Variants in CSN1S1 observed in about 807,000 individuals in gnomAD.
CSN1S1 encodes casein alpha s1.
CSN1S1 carries 63 observed loss-of-function variants against 49.1 expected under a neutral mutation model. The observed-to-expected ratio is 1.28, with a 90% CI of 1.05 to 1.58. CSN1S1 has a LOEUF of 1.58. Among genes scored for constraint, CSN1S1 ranks in the 40% most tolerant of loss-of-function variants. The pLI, the probability that CSN1S1 is intolerant of heterozygous loss-of-function variation, is 0.00. For synonymous variants in CSN1S1, 78 were observed against 67.1 expected, an observed-to-expected ratio of 1.16 and a Z score of -0.79; for missense variants, 260 against 224.7, an observed-to-expected ratio of 1.16 and a Z score of -1.01.
At chr4:69,932,422 G>C in intron 1 of CSN1S1, 122 bp from the exon 2 acceptor site, 1 of 709,810 alleles carries the variant, frequency 1.4e-6, no homozygotes, top group Non-Finnish European at 2.4e-6. Context: ...TCACATTACA[G>C]CTCCTCAAAT....
chr4:69,942,985 T>A (rs1322909577), intron 14 of CSN1S1, among the ~76,000 whole-genome samples: 1 of 149,008 alleles, frequency 6.7e-6, no homozygotes, highest in Non-Finnish European at 1.5e-5. Flanking sequence ...CCATGGAACA[T>A]CCTCCACAAC....
At chr4:69,940,753 T>C (rs1384690087) in intron 11 of CSN1S1, among the ~76,000 whole-genome samples, 1 of 151,858 alleles carries the variant, frequency 6.6e-6, no homozygotes, top group African/African-American at 2.4e-5. Flanking sequence ...ATAATTCTGA[T>C]ATATTGTAAC....
Position 69,935,739 on chromosome 4 carries a change from C to A in CSN1S1, c.106-187C>A, listed in dbSNP as rs186887320. ...TTTCCGTGACGTATGTAGAGGTTTACAATTTCCTCACTCCTTATAATAGAA... is the reference window on the plus strand; with the variant it reads ...TTTCCGTGACGTATGTAGAGGTTTAAAATTTCCTCACTCCTTATAATAGAA... On this transcript the variant is annotated intron_variant, in intron 4 of 15. Transcript: ENST00000246891. Among the ~76,000 whole-genome samples, 20 of 152,208 alleles carry A rather than the reference C, an allele frequency of 1.3e-4. No homozygotes were observed. The East Asian group carries it at 3.9e-3, about 29-fold the overall frequency.
In CSN1S1 at chr4:69,932,725, C is replaced by T. The variant is rs1316505555; in HGVS notation, c.51+119C>T. ...AAGCACTGGATGATCTCTAATTGGC[C>T]TCTGAAGTCTTGACAATAGAAATGC... On this transcript the variant is annotated intron_variant, in intron 2 of 15. Coordinates refer to ENST00000246891, the MANE Select transcript of CSN1S1 (RefSeq NM_001890.2). 9 of 878,908 alleles carry T rather than the reference C, an allele frequency of 1.0e-5. 1 individual carries two copies. Among genetic ancestry groups the T allele is most frequent in the Middle Eastern group, 4.4e-4 (2 of 4,564 alleles). 54.4% of individuals were successfully genotyped at this position (878,908 alleles called of 1,614,324 possible). A position where few individuals can be genotyped will look rare whatever the true frequency, so the allele number is the denominator to read the frequency against.
intron 5 of CSN1S1, 145 bp from the exon 6 acceptor site, chr4:69,936,311 A>G: frequency 2.8e-6 from 2 of 709,840 alleles, no homozygotes; most frequent in Non-Finnish European, 4.8e-6. Flanking sequence ...GAAATGATAT[A>G]ATAAGGAATA....
At chr4:69,931,470 T>C (rs747120889) in intron 1 of CSN1S1, among the ~76,000 whole-genome samples, 1 of 151,962 alleles carries the variant, frequency 6.6e-6, no homozygotes, top group Non-Finnish European at 1.5e-5. Flanking sequence ...CTTATTTTTG[T>C]AATTACCATA....
At chr4:69,932,021 C>T (rs563465289) in intron 1 of CSN1S1, among the ~76,000 whole-genome samples, 77 of 151,788 alleles carry the variant, frequency 5.1e-4, no homozygotes, top group African/African-American at 1.7e-3. Context: ...TTTTACATAA[C>T]GTGCAGACAG....
In CSN1S1 at chr4:69,946,259, T is replaced by A; in HGVS notation, c.*63T>A. 1 of 463,356 alleles carries A rather than the reference T, an allele frequency of 2.2e-6. No individual in the cohort carries two copies. The highest frequency in any genetic ancestry group is 3.4e-5 in the East Asian group (1 of 29,690). 28.7% of individuals were successfully genotyped at this position (463,356 alleles called of 1,614,324 possible). ...AAGGAAAACCATCTTATCTGAAGAC[T>A]GGACTGTTGTTTTAGAATAGTAAAA... On this transcript the variant is annotated 3_prime_UTR_variant, in exon 16 of 16. Transcript: ENST00000246891.
In CSN1S1 at chr4:69,941,008, T is replaced by C. The variant is rs548607396; in HGVS notation, c.301-11T>C. 3.7e-5 allele frequency: 55 copies of C among 1,466,694 alleles called. No homozygotes were observed. The African/African-American group carries it at 6.0e-4, about 16-fold the overall frequency. The allele number at this position is 1,466,694 out of a possible 1,614,324, so 90.9% of individuals were successfully genotyped here. A position where few individuals can be genotyped will look rare whatever the true frequency, so the allele number is the denominator to read the frequency against. On this transcript the variant is annotated splice_polypyrimidine_tract_variant and intron_variant, in intron 11 of 15. Transcript: ENST00000246891. ...ATCCAAGCAATTGAGAATATTTTTC[T>C]TTTTAAATAGGAACAGTTTTGTAGA...
At chr4:69,931,460 C>A (rs1333529290) in intron 1 of CSN1S1, among the ~76,000 whole-genome samples, 3 of 151,832 alleles carry the variant, frequency 2.0e-5, no homozygotes, top group African/African-American at 7.2e-5. Flanking sequence ...CAAATAATTT[C>A]TTATTTTTGT....
In CSN1S1 at chr4:69,936,073, A is replaced by T. The variant is rs140515609; in HGVS notation, c.129+124A>T. Reference sequence around the variant, plus strand: ...AAGGATAACAAATTTGAGTGGAACAAACTTAAAAATATTGTTAAATGCACA... The same window carrying T: ...AAGGATAACAAATTTGAGTGGAACATACTTAAAAATATTGTTAAATGCACA... On this transcript the variant is annotated intron_variant, in intron 5 of 15. Transcript: ENST00000246891. 4.8e-4 allele frequency: 360 copies of T among 750,850 alleles called. 5 individuals carry two copies. The African/African-American group carries it at 5.8e-3, about 12-fold the overall frequency. 46.5% of individuals were successfully genotyped at this position (750,850 alleles called of 1,614,324 possible).
chr4:69,937,845 G>T, intron 9 of CSN1S1, 22 bp downstream of exon 9: 2 of 1,572,148 alleles, frequency 1.3e-6, no homozygotes, highest in East Asian at 2.3e-5. Context: ...TCATTCTAGT[G>T]AACTCTACAC....
At chr4:69,934,579 TG>T (rs1338909713) in intron 3 of CSN1S1, 110 bp from the exon 4 acceptor site, 10 of 915,476 alleles carry the variant, frequency 1.1e-5, no homozygotes, top group Non-Finnish European at 1.7e-5. Flanking sequence ...TCATTTGATA[TG>T]TTGAATCTTG....
Position 69,937,832 on chromosome 4 carries a change from C to G in CSN1S1, c.243+9C>G. The G allele has an allele frequency of 6.3e-7, 1 of 1,586,948 alleles. No individual in the cohort carries two copies. The highest frequency in any genetic ancestry group is 8.6e-7 in the Non-Finnish European group (1 of 1,168,670). On this transcript the variant is annotated intron_variant, in intron 9 of 15. Coordinates refer to ENST00000246891, the MANE Select transcript of CSN1S1 (RefSeq NM_001890.2). The stretch of plus-strand genomic sequence containing the variant: ...TTGTGGCAGAGCCTGAGGTAAGACC[C>G]ATTCATTCTAGTGAACTCTACACTT...
chr4:69,933,731 T>C (rs918208731), intron 2 of CSN1S1, among the ~76,000 whole-genome samples: 1 of 151,952 alleles, frequency 6.6e-6, no homozygotes, highest in Non-Finnish European at 1.5e-5. Context: ...ACACTCAAAA[T>C]GCAGAATGAG....
chr4:69,938,284 C>T (rs1722864096), intron 9 of CSN1S1, among the ~76,000 whole-genome samples: 1 of 151,596 alleles, frequency 6.6e-6, no homozygotes, highest in Admixed American at 6.6e-5. Flanking sequence ...GAGCATACTA[C>T]CCAACAGGTA....
At chr4:69,933,444 C>T (rs17146476) in intron 2 of CSN1S1, among the ~76,000 whole-genome samples, 2,609 of 152,092 alleles carry the variant, frequency 0.017, 65 homozygotes, top group African/African-American at 0.06. Context: ...CTAAATTCTC[C>T]TTTGGAAAGT....
Position 69,940,021 on chromosome 4 carries a change from G to T in CSN1S1, c.277G>T (p.Glu93Ter). ...TATGCATGTTTTAATTTTTTTAAAG[G>T]AAATGTCTCTCAGTAAGTGTGCGGT... is the stretch of plus-strand genomic sequence containing the variant. Reference protein sequence around the residue: ...MESSISSSSEEMSLSKCAEQF... With the variant: ...MESSISSSSE Residue 93 changes from glutamate (E) to a stop codon, truncating the protein, a stop_gained and splice_region_variant, in exon 11 of 16, where the codon GAA becomes TAA. Coordinates refer to ENST00000246891, the MANE Select transcript of CSN1S1 (RefSeq NM_001890.2). LOFTEE classifies it high-confidence loss of function. 1 of 1,377,070 alleles carries T rather than the reference G, an allele frequency of 7.3e-7. No homozygotes were observed. Among genetic ancestry groups the T allele is most frequent in the South Asian group, 1.5e-5 (1 of 68,726 alleles). 85.3% of individuals were successfully genotyped at this position (1,377,070 alleles called of 1,614,324 possible).
At position 69,937,832 on chromosome 4, in the gene CSN1S1, CA is replaced by C. The variant is rs1327951470; in HGVS notation, c.243+10del. The stretch of plus-strand genomic sequence containing the variant: ...TTGTGGCAGAGCCTGAGGTAAGACC[CA>C]TTCATTCTAGTGAACTCTACACTTA... On this transcript the variant is annotated intron_variant, in intron 9 of 15. Coordinates refer to ENST00000246891, the MANE Select transcript of CSN1S1 (RefSeq NM_001890.2). 6.3e-7 allele frequency: 1 copy of C among 1,586,948 alleles called. No homozygotes were observed. Among genetic ancestry groups the C allele is most frequent in the Non-Finnish European group, 8.6e-7 (1 of 1,168,670 alleles).
Sources: allele counts gnomAD v4.1 joint callset (sites outside exome capture counted in the v4.1 genomes callset), GRCh38; gene constraint gnomAD v4.1.1; transcripts MANE v1.5; gene names NCBI Gene and HGNC (gene_info 2026-07-23, HGNC 2026-07-21).